NCOR1: variants seen among roughly 807,000 people sequenced by gnomAD.
The protein encoded by NCOR1 is protein phosphatase 1, regulatory subunit 109.
Under a neutral mutation model 288.1 loss-of-function variants are expected in NCOR1, and 63 were observed. That is an observed-to-expected ratio of 0.22 (90% CI 0.18 to 0.27). The LOEUF (loss-of-function observed/expected upper bound fraction) is 0.27, where lower values mean the gene tolerates loss of function less well. Among genes scored for constraint, NCOR1 ranks in the 10% least tolerant of loss-of-function variants. The pLI is 1.00. For missense variants in NCOR1, 2,397 were observed against 3,019.2 expected, an observed-to-expected ratio of 0.79 and a Z score of 4.83; for synonymous variants, 1,007 against 1,065.9, an observed-to-expected ratio of 0.94 and a Z score of 1.08.
chr17:16,102,862 G>A (rs540024262), intron 19 of NCOR1, among the ~76,000 whole-genome samples: 1 of 152,220 alleles, frequency 6.6e-6, no homozygotes, highest in East Asian at 1.9e-4. Context: ...CCAAAGTGCT[G>A]GGATTACAGA....
At chr17:16,088,092 A>G (rs575805671) in intron 22 of NCOR1, among the ~76,000 whole-genome samples, 1 of 151,576 alleles carries the variant, frequency 6.6e-6, no homozygotes, top group South Asian at 2.1e-4. Context: ...CTGTCAGAAT[A>G]AATTCCCACT....
chr17:16,106,708 T>C (rs948413744), intron 19 of NCOR1, among the ~76,000 whole-genome samples: 2 of 151,678 alleles, frequency 1.3e-5, no homozygotes, highest in African/African-American at 2.4e-5. Flanking sequence ...GCTGCATTTA[T>C]GTTCTCTTCT....
Position 16,059,743 on chromosome 17 carries a change from T to A in NCOR1, c.5882-1144A>T, listed in dbSNP as rs146240573. Among the ~76,000 whole-genome samples the A allele has an allele frequency of 1.4e-3, 214 of 152,274 alleles. 1 individual carries two copies. The highest frequency in any genetic ancestry group is 4.6e-3 in the African/African-American group (193 of 41,570). The stretch of plus-strand genomic sequence containing the variant: ...CTCCAAAGGGTGCATGGCCCTGGGC[T>A]GGACACAGATGCAGCAGGTGGGAAT... On this transcript the variant is annotated intron_variant, in intron 37 of 45. Transcript: ENST00000268712.
Position 16,058,505 on chromosome 17 carries a change from A to G in NCOR1, c.5976T>C (p.Tyr1992=), listed in dbSNP as rs1182007444. ...PAPPQEKLQT[Y]QPEVVKANQA... ...GATTTGCCTTAACAACCTCTGGCTGATAGGTCTGCAGTTTCTCCTGGGGTG... is the reference window on the plus strand; with the variant it reads ...GATTTGCCTTAACAACCTCTGGCTGGTAGGTCTGCAGTTTCTCCTGGGGTG... The change falls in exon 38 of 46, where the codon TAT becomes TAC. Residue 1992 remains tyrosine (Y), a synonymous_variant. Transcript: ENST00000268712. 1 of 1,614,054 alleles carries G rather than the reference A, an allele frequency of 6.2e-7. No individual in the cohort carries two copies. Among genetic ancestry groups the G allele is most frequent in the Admixed American group, 1.7e-5 (1 of 60,010 alleles).
intron 22 of NCOR1, chr17:16,087,130 G>T: frequency 7.8e-7 from 1 of 1,281,568 alleles, no homozygotes; most frequent in Non-Finnish European, 1.0e-6. Flanking sequence ...AACATCTGTG[G>T]GTGGATGGCC....
chr17:16,106,541 A>G (rs1168163255), intron 19 of NCOR1, among the ~76,000 whole-genome samples: 5 of 152,268 alleles, frequency 3.3e-5, no homozygotes, highest in Non-Finnish European at 1.5e-5. Flanking sequence ...AAAGATACTC[A>G]AACACTCAGA....
At chr17:16,141,853 T>C (rs1568293549) in intron 11 of NCOR1, among the ~76,000 whole-genome samples, 1 of 152,244 alleles carries the variant, frequency 6.6e-6, no homozygotes, top group Non-Finnish European at 1.5e-5. Context: ...AGAGTCAGAC[T>C]GCCTGGGTTG....
At chr17:16,168,499 C>T (rs1371742693) in intron 4 of NCOR1, among the ~76,000 whole-genome samples, 1 of 151,880 alleles carries the variant, frequency 6.6e-6, no homozygotes, top group Non-Finnish European at 1.5e-5. Flanking sequence ...CCGCGCCCAG[C>T]CAAGAAGTGG....
intron 3 of NCOR1, among the ~76,000 whole-genome samples, chr17:16,179,997 T>G (rs1017222363): frequency 6.8e-6 from 1 of 145,986 alleles, no homozygotes; most frequent in African/African-American, 2.5e-5. Context: ...CAATAAAATA[T>G]TAACAAACTG....
At chr17:16,093,174 C>A (rs558947439) in intron 21 of NCOR1, among the ~76,000 whole-genome samples, 67 of 152,304 alleles carry the variant, frequency 4.4e-4, no homozygotes, top group African/African-American at 1.3e-3. Flanking sequence ...AAGGGAACTT[C>A]CCATTTTTGA....
chr17:16,124,190 T>A (rs73981461), intron 15 of NCOR1, among the ~76,000 whole-genome samples: 6 of 152,090 alleles, frequency 3.9e-5, no homozygotes, highest in African/African-American at 1.4e-4. Context: ...CAAAACTAGG[T>A]AAATCTTAAA....
Position 16,133,943 on chromosome 17 carries a change from CTG to C in NCOR1, c.1509+3366_1509+3367del, listed in dbSNP as rs575776349. Among the ~76,000 whole-genome samples the C allele has an allele frequency of 5.3e-5, 8 of 152,380 alleles. No homozygotes were observed. In the East Asian group the frequency reaches 1.5e-3, roughly 29 times the overall value. On this transcript the variant is annotated intron_variant, in intron 14 of 45. Transcript: ENST00000268712. ...CTAATCCGTTCTCCCCGCCTCCTCA[CTG>C]TAGCCTAGTCCAAGTCAATGGGATT...
At chr17:16,117,847 A>T (rs1352663440) in intron 18 of NCOR1, 41 bp downstream of exon 18, 2 of 1,590,932 alleles carry the variant, frequency 1.3e-6, no homozygotes, top group East Asian at 4.5e-5. Context: ...CACTCTAAGT[A>T]AAAAACAGTA....
chr17:16,072,920 G>T (rs967064057), intron 28 of NCOR1, among the ~76,000 whole-genome samples: 2 of 152,148 alleles, frequency 1.3e-5, no homozygotes, highest in African/African-American at 4.8e-5. Flanking sequence ...AGCAGCACCA[G>T]TTCAGACACC....
At chr17:16,200,631 A>G (rs2090663791) in intron 1 of NCOR1, among the ~76,000 whole-genome samples, 1 of 152,192 alleles carries the variant, frequency 6.6e-6, no homozygotes, top group Non-Finnish European at 1.5e-5. Context: ...ACCAAAGCAG[A>G]AAAAGGATCC....
chr17:16,054,098 A>G (rs905782959), intron 40 of NCOR1, among the ~76,000 whole-genome samples: 3 of 150,498 alleles, frequency 2.0e-5, no homozygotes, highest in Non-Finnish European at 4.4e-5. Context: ...AAAAAACTAT[A>G]AAAACCTTGG....
At chr17:16,041,912 ATTT>A (rs1450504298) in intron 42 of NCOR1, among the ~76,000 whole-genome samples, 1 of 151,670 alleles carries the variant, frequency 6.6e-6, no homozygotes, top group African/African-American at 2.4e-5. Context: ...AATTTTTTAC[ATTT>A]TTAGTAGAGA....
At chr17:16,064,035 C>A (rs754515887) in intron 35 of NCOR1, 33 bp downstream of exon 35, 1 of 1,611,370 alleles carries the variant, frequency 6.2e-7, no homozygotes, top group African/African-American at 1.3e-5. Context: ...TAAGATGTGT[C>A]CAGAGAATGG....
At chr17:16,060,763 T>C (rs931256259) in intron 37 of NCOR1, among the ~76,000 whole-genome samples, 4 of 152,226 alleles carry the variant, frequency 2.6e-5, no homozygotes, top group African/African-American at 9.6e-5. Flanking sequence ...TATTAGCAGA[T>C]GCTTATTTAA....
Sources: gnomAD v4.1 joint callset for allele counts (sites outside exome capture counted in the v4.1 genomes callset) on GRCh38, gnomAD v4.1.1 for gene constraint, MANE v1.5 for transcripts, NCBI Gene and HGNC (gene_info 2026-07-23, HGNC 2026-07-21) for gene names.